CCSER1: variants seen among roughly 807,000 people sequenced by gnomAD.
CCSER1 encodes the protein serine-rich coiled-coil domain-containing protein 1.
A neutral mutation model predicts 82.0 loss-of-function variants in CCSER1; 41 were observed. The observed-to-expected ratio is 0.50, with a 90% CI of 0.39 to 0.65. The LOEUF (loss-of-function observed/expected upper bound fraction) is 0.65, where lower values mean the gene tolerates loss of function less well. Ranked by LOEUF, CCSER1 falls within the 30% of genes least tolerant of loss-of-function variation. CCSER1 has a pLI of 0.00. For synonymous variants in CCSER1, 414 were observed against 383.9 expected, an observed-to-expected ratio of 1.08 and a Z score of -0.92; for missense variants, 1,119 against 1,064.2, an observed-to-expected ratio of 1.05 and a Z score of -0.72.
At chr4:90,887,506 A>G (rs1722307995) in intron 8 of CCSER1, among the ~76,000 whole-genome samples, 1 of 152,220 alleles carries the variant, frequency 6.6e-6, no homozygotes, top group Admixed American at 6.5e-5. Flanking sequence ...TCTATTCTAA[A>G]TGAAATTATA....
chr4:91,209,684 G>A (rs1035566872), intron 10 of CCSER1, among the ~76,000 whole-genome samples: 1 of 151,816 alleles, frequency 6.6e-6, no homozygotes, highest in African/African-American at 2.4e-5. Context: ...TTTCTTTGTT[G>A]TGTCTCTCCC....
At chr4:90,170,440 G>T in intron 1 of CCSER1, among the ~76,000 whole-genome samples, 2 of 149,658 alleles carry the variant, frequency 1.3e-5, no homozygotes, top group Non-Finnish European at 1.5e-5. Context: ...CCTTTGCCTA[G>T]CAATAAACTC....
At chr4:91,411,903 A>T (rs1753073678) in intron 10 of CCSER1, among the ~76,000 whole-genome samples, 1 of 151,968 alleles carries the variant, frequency 6.6e-6, no homozygotes, top group African/African-American at 2.4e-5. Context: ...CTTAAAATAC[A>T]TAGATTATCA....
At chr4:90,130,146 A>G (rs1266669664) in intron 1 of CCSER1, among the ~76,000 whole-genome samples, 5 of 152,188 alleles carry the variant, frequency 3.3e-5, no homozygotes, top group African/African-American at 1.2e-4. Context: ...GCATTTTATT[A>G]CTCATCATAA....
chr4:90,840,980 C>G (rs2149872968), intron 8 of CCSER1, among the ~76,000 whole-genome samples: 1 of 152,246 alleles, frequency 6.6e-6, no homozygotes, highest in South Asian at 2.1e-4. Context: ...CTAAGATTCC[C>G]TACAGCTCTA....
At chr4:90,839,857 C>T (rs1762343044) in intron 8 of CCSER1, among the ~76,000 whole-genome samples, 1 of 152,000 alleles carries the variant, frequency 6.6e-6, no homozygotes, top group African/African-American at 2.4e-5. Flanking sequence ...AATGGTTCCC[C>T]CAAAGGGAAG....
intron 10 of CCSER1, among the ~76,000 whole-genome samples, chr4:91,296,483 A>ATATATTTATTTATTTATT (rs1175690764): frequency 6.4e-5 from 8 of 124,048 alleles, no homozygotes; most frequent in African/African-American, 2.1e-4. Flanking sequence ...ATATATATAT[A>ATATATTTATTTATTTATT]TATTTTAATT....
At chr4:91,422,256 T>C (rs1230167186) in intron 10 of CCSER1, among the ~76,000 whole-genome samples, 1 of 152,096 alleles carries the variant, frequency 6.6e-6, no homozygotes, top group Non-Finnish European at 1.5e-5. Context: ...ATTGATTGTA[T>C]GGTTGAATAT....
At chr4:91,462,920 C>T (rs1314260317) in intron 10 of CCSER1, among the ~76,000 whole-genome samples, 3 of 152,158 alleles carry the variant, frequency 2.0e-5, no homozygotes, top group Non-Finnish European at 4.4e-5. Context: ...TCTGAGACTC[C>T]ACCTCTGGGG....
intron 5 of CCSER1, among the ~76,000 whole-genome samples, chr4:90,548,215 T>C (rs181611477): frequency 6.6e-6 from 1 of 152,252 alleles, no homozygotes; most frequent in African/African-American, 2.4e-5. Context: ...TGTAGGACTC[T>C]TACGCAGCTA....
At chr4:90,384,504 T>A (rs992572890) in intron 3 of CCSER1, among the ~76,000 whole-genome samples, 2 of 151,952 alleles carry the variant, frequency 1.3e-5, no homozygotes, top group African/African-American at 4.8e-5. Flanking sequence ...ATTTAGAAAA[T>A]TTTTTCTTGC....
At chr4:90,380,319 A>G (rs1039821763) in intron 3 of CCSER1, among the ~76,000 whole-genome samples, 3 of 152,230 alleles carry the variant, frequency 2.0e-5, no homozygotes, top group African/African-American at 7.2e-5. Flanking sequence ...TTATAAAAAT[A>G]CATATAAATT....
Position 90,692,106 on chromosome 4 carries a change from T to C in CCSER1, c.1933-31808T>C, listed in dbSNP as rs1241051793. On this transcript the variant is annotated intron_variant, in intron 6 of 10. Coordinates refer to ENST00000509176, the MANE Select transcript of CCSER1 (RefSeq NM_001145065.2). ...AGACACATTTATAGAGCTCTTATGA[T>C]CATAAAATCTCTTATTTATGAAGGT... Among the ~76,000 whole-genome samples, 5 of 150,312 alleles carry C rather than the reference T, an allele frequency of 3.3e-5. No individual in the cohort carries two copies. In the East Asian group the frequency reaches 9.7e-4, roughly 29 times the overall value.
chr4:91,556,546 C>T (rs559770392), intron 10 of CCSER1, among the ~76,000 whole-genome samples: 30 of 150,592 alleles, frequency 2.0e-4, no homozygotes, highest in African/African-American at 6.6e-4. Flanking sequence ...TTAAAAAAAA[C>T]CTTTGAATGA....
chr4:90,852,256 T>A (rs529032450), intron 8 of CCSER1, among the ~76,000 whole-genome samples: 2 of 152,304 alleles, frequency 1.3e-5, no homozygotes, highest in East Asian at 1.9e-4. Flanking sequence ...TTATGGCTCA[T>A]TGAATGGCAA....
At chr4:90,755,910 T>C (rs1284749038) in intron 7 of CCSER1, among the ~76,000 whole-genome samples, 2 of 152,206 alleles carry the variant, frequency 1.3e-5, no homozygotes, top group African/African-American at 4.8e-5. Context: ...GTTTTCATTT[T>C]ACCTAAAAAC....
At chr4:90,616,627 G>A (rs1721255634) in intron 5 of CCSER1, among the ~76,000 whole-genome samples, 1 of 151,490 alleles carries the variant, frequency 6.6e-6, no homozygotes, top group South Asian at 2.1e-4. Flanking sequence ...GGAGGTTGCA[G>A]TGAGCCAAGA....
chr4:90,657,541 A>G (rs1169281728), intron 6 of CCSER1, among the ~76,000 whole-genome samples: 1 of 152,094 alleles, frequency 6.6e-6, no homozygotes, highest in Non-Finnish European at 1.5e-5. Context: ...ATACCGTGTC[A>G]TTAAGCTTTT....
intron 5 of CCSER1, among the ~76,000 whole-genome samples, chr4:90,548,395 TAC>T (rs1343748261): frequency 5.9e-5 from 9 of 152,222 alleles, no homozygotes; most frequent in South Asian, 2.1e-4. Context: ...CACATGAGCA[TAC>T]ACACACATAT....
Sources: gnomAD v4.1 joint callset for allele counts (sites outside exome capture counted in the v4.1 genomes callset) on GRCh38, gnomAD v4.1.1 for gene constraint, MANE v1.5 for transcripts, NCBI Gene and HGNC (gene_info 2026-07-23, HGNC 2026-07-21) for gene names.